The following RXFP1 variants were observed in gnomAD, a reference collection of about 807,000 sequenced individuals.
RXFP1 encodes relaxin family peptide receptor 1.
In RXFP1, 73 loss-of-function variants were observed where a neutral mutation model predicts 89.8. The observed-to-expected ratio is 0.81, with a 90% CI of 0.67 to 0.99. The LOEUF is 0.99. Among genes scored for constraint, RXFP1 ranks in the 50% least tolerant of loss-of-function variants. The pLI is 0.00. For missense variants in RXFP1, 793 were observed against 895.5 expected (o/e 0.89, Z 1.46); for synonymous variants, 277 against 305.5 (o/e 0.91, Z 0.97).
intron 11 of RXFP1, among the ~76,000 whole-genome samples, chr4:158,632,480 A>T (rs1357956622): frequency 6.6e-6 from 1 of 152,208 alleles, no homozygotes; most frequent in Non-Finnish European, 1.5e-5. Context: ...TGATCACCTT[A>T]CAGAGCTCAA....
chr4:158,636,619 C>T (rs1490352563), intron 12 of RXFP1, among the ~76,000 whole-genome samples: 2 of 152,124 alleles, frequency 1.3e-5, no homozygotes, highest in Non-Finnish European at 2.9e-5. Flanking sequence ...ATTGCTATCT[C>T]TTTATTTCAC....
intron 5 of RXFP1, 81 bp downstream of exon 5, chr4:158,605,220 C>T (rs1253187143): frequency 1.4e-6 from 1 of 717,956 alleles, no homozygotes; most frequent in Non-Finnish European, 2.4e-6. Context: ...CTGTGAACAC[C>T]AACACTATTC....
At chr4:158,571,133 A>G (rs1392069579) in intron 1 of RXFP1, among the ~76,000 whole-genome samples, 2 of 152,204 alleles carry the variant, frequency 1.3e-5, no homozygotes, top group East Asian at 3.8e-4. Context: ...GGACCTCTCC[A>G]TAAATTGTAA....
intron 1 of RXFP1, among the ~76,000 whole-genome samples, chr4:158,530,315 C>A (rs1269279726): frequency 6.6e-6 from 1 of 152,178 alleles, no homozygotes; most frequent in Non-Finnish European, 1.5e-5. Context: ...TCAGGTGCAT[C>A]ACGCATTGGC....
At chr4:158,544,941 A>G (rs1386999516) in intron 1 of RXFP1, among the ~76,000 whole-genome samples, 1 of 152,152 alleles carries the variant, frequency 6.6e-6, no homozygotes, top group Non-Finnish European at 1.5e-5. Flanking sequence ...AGCATGATTT[A>G]TAATCCTTTG....
At chr4:158,572,404 T>C (rs2149996593) in intron 1 of RXFP1, among the ~76,000 whole-genome samples, 1 of 152,224 alleles carries the variant, frequency 6.6e-6, no homozygotes, top group South Asian at 2.1e-4. Context: ...AAGACGGTAA[T>C]TGGATTGAAC....
chr4:158,640,006 C>T (rs182310028), intron 14 of RXFP1, among the ~76,000 whole-genome samples: 202 of 152,312 alleles, frequency 1.3e-3, no homozygotes, highest in Non-Finnish European at 2.3e-3. Flanking sequence ...TCTTGGTCTT[C>T]CCAGCCTCCA....
intron 2 of RXFP1, among the ~76,000 whole-genome samples, chr4:158,589,531 A>G (rs28679500): frequency 0.04 from 6,093 of 152,246 alleles, 369 homozygotes; most frequent in African/African-American, 0.14. Flanking sequence ...TGGTAATGAA[A>G]GGGCCTGAGG....
chr4:158,604,943 CATT>C, intron 4 of RXFP1, 122 bp from the exon 5 acceptor site: 1 of 513,678 alleles, frequency 1.9e-6, no homozygotes, highest in Non-Finnish European at 3.6e-6. Context: ...ATGAGAGAGA[CATT>C]ATGAAGCAAA....
At chr4:158,642,579 TC>T (rs1251713398) in intron 14 of RXFP1, among the ~76,000 whole-genome samples, 1 of 152,222 alleles carries the variant, frequency 6.6e-6, no homozygotes, top group Non-Finnish European at 1.5e-5. Flanking sequence ...TAATGTAATG[TC>T]CTCCATTTCC....
chr4:158,571,615 T>C (rs1755081515), intron 1 of RXFP1, among the ~76,000 whole-genome samples: 1 of 152,066 alleles, frequency 6.6e-6, no homozygotes, highest in Non-Finnish European at 1.5e-5. Context: ...TGAGCCAAGA[T>C]TGTGCCGTGG....
chr4:158,596,415 C>G (rs1180066612), intron 3 of RXFP1, among the ~76,000 whole-genome samples: 2 of 151,928 alleles, frequency 1.3e-5, no homozygotes, highest in Non-Finnish European at 2.9e-5. Flanking sequence ...CATGTGCCAC[C>G]ACGCCTGGCT....
chr4:158,571,946 G>C lies in RXFP1; in HGVS notation c.50-752G>C, dbSNP rs192290370. On this transcript the variant is annotated intron_variant, in intron 1 of 17. Coordinates refer to ENST00000307765, the MANE Select transcript of RXFP1 (RefSeq NM_021634.4). ...GTAAAGCCATGTGTGCAGGTGTCAGGGTGACAGCCAGGTAGAAGCCACATT... is the reference window on the plus strand; with the variant it reads ...GTAAAGCCATGTGTGCAGGTGTCAGCGTGACAGCCAGGTAGAAGCCACATT... Among the ~76,000 whole-genome samples, 360 of 152,306 alleles carry C rather than the reference G, an allele frequency of 2.4e-3. 1 individual carries two copies. Among genetic ancestry groups the C allele is most frequent in the Middle Eastern group, 6.8e-3 (2 of 294 alleles).
Position 158,534,929 on chromosome 4 carries a change from G to A in RXFP1, c.49+12904G>A, listed in dbSNP as rs1008635613. Among the ~76,000 whole-genome samples, 5 of 146,432 alleles carry A rather than the reference G, an allele frequency of 3.4e-5. No individual in the cohort carries two copies. The East Asian group carries it at 9.8e-4, about 29-fold the overall frequency. On this transcript the variant is annotated intron_variant, in intron 1 of 17. Coordinates refer to ENST00000307765, the MANE Select transcript of RXFP1 (RefSeq NM_021634.4). ...TACATATAATAAAATAATTTATATT[G>A]TTATATTAATATATTACATAAAAAT...
At chr4:158,596,417 C>A (rs548292247) in intron 3 of RXFP1, among the ~76,000 whole-genome samples, 1 of 152,058 alleles carries the variant, frequency 6.6e-6, no homozygotes, top group Non-Finnish European at 1.5e-5. Context: ...TGTGCCACCA[C>A]GCCTGGCTAA....
rs747089604 is a variant in RXFP1 at position 158,633,509 on chromosome 4, CTTTAT to C, written c.971+40_971+44del. On this transcript the variant is annotated intron_variant, in intron 12 of 17. Transcript: ENST00000307765. ...TGATGTTAATTTTGCCACCTCGTTT[CTTTAT>C]TTTATTATTTTTTAAATTGTAAAAT... 19 of 1,339,896 alleles carry C rather than the reference CTTTAT, an allele frequency of 1.4e-5. No individual in the cohort carries two copies. The Admixed American group carries it at 2.1e-4, about 15-fold the overall frequency. 83.0% of individuals were successfully genotyped at this position (1,339,896 alleles called of 1,614,324 possible).
intron 1 of RXFP1, among the ~76,000 whole-genome samples, chr4:158,552,026 C>T (rs1197302347): frequency 6.6e-6 from 1 of 152,100 alleles, no homozygotes; most frequent in Non-Finnish European, 1.5e-5. Flanking sequence ...GTTGGGGACA[C>T]TTTGACAATA....
intron 2 of RXFP1, among the ~76,000 whole-genome samples, chr4:158,578,885 A>G (rs1014740409): frequency 1.3e-5 from 2 of 151,720 alleles, no homozygotes; most frequent in South Asian, 2.1e-4. Context: ...CTTCTAATAC[A>G]TTTTGGGTCG....
At chr4:158,644,116 G>T (rs1343353208) in intron 14 of RXFP1, among the ~76,000 whole-genome samples, 1 of 147,990 alleles carries the variant, frequency 6.8e-6, no homozygotes, top group Non-Finnish European at 1.5e-5. Flanking sequence ...GCACGATCTG[G>T]GCTCACTGCA....
Sources: allele counts gnomAD v4.1 joint callset (sites outside exome capture counted in the v4.1 genomes callset), GRCh38; gene constraint gnomAD v4.1.1; transcripts MANE v1.5; gene names NCBI Gene and HGNC (gene_info 2026-07-23, HGNC 2026-07-21).